The following DMTN variants were observed in gnomAD, a reference collection of about 807,000 sequenced individuals.
The protein encoded by DMTN is dematin.
In DMTN, 27 loss-of-function variants were observed where a neutral mutation model predicts 59.4. The observed-to-expected ratio is 0.45, with a 90% CI of 0.33 to 0.63. DMTN has a LOEUF of 0.63. Ranked by LOEUF, DMTN falls within the 20% of genes least tolerant of loss-of-function variation. DMTN has a pLI of 0.02. For synonymous variants in DMTN, 221 were observed against 203.7 expected, an observed-to-expected ratio of 1.08 and a Z score of -0.72; for missense variants, 451 against 528.9, an observed-to-expected ratio of 0.85 and a Z score of 1.45.
chr8:22,075,516 A>ATATTTT (rs1819105356), intron 10 of DMTN, among the ~76,000 whole-genome samples: 1 of 87,728 alleles, frequency 1.1e-5, no homozygotes, highest in Admixed American at 1.6e-4. Flanking sequence ...GCCCAGCTAA[A>ATATTTT]TTTTTTTTTT....
rs766272009 is a variant in DMTN, at chr8:22,070,297, C to G, written c.567C>G (p.Thr189=). The change falls in exon 8 of 16, where the codon ACC becomes ACG. Residue 189 remains threonine, a synonymous_variant. Coordinates refer to ENST00000358242, the MANE Select transcript of DMTN (RefSeq NM_001387751.1). ...PDPNQPAKIE[T]DYWPCPPSLA... ...CCAACCAGCCAGCCAAAATCGAAAC[C>G]GACTACTGGCCATGCCCCCCGTCTC... 2.5e-6 allele frequency: 4 copies of G among 1,613,360 alleles called. No homozygotes were observed. Among genetic ancestry groups the G allele is most frequent in the South Asian group, 2.2e-5 (2 of 90,950 alleles).
At position 22,069,959 on chromosome 8, in the gene DMTN, C is replaced by T. The variant is rs112280872; in HGVS notation, c.451+22C>T. ...AGAGGTGAGGGCGCCCCTGGCTCAC[C>T]AGAGCCTGCTTCCGGCTGCATGCTG... On this transcript the variant is annotated intron_variant, in intron 7 of 15. Coordinates refer to ENST00000358242, the MANE Select transcript of DMTN (RefSeq NM_001387751.1). 2.0e-5 allele frequency: 33 copies of T among 1,613,298 alleles called. 1 individual carries two copies. The highest frequency in any genetic ancestry group is 1.3e-4 in the African/African-American group (10 of 75,038).
At chr8:22,080,662 GA>G (rs1484854966) in intron 13 of DMTN, 37 bp downstream of exon 13, 1 of 1,595,132 alleles carries the variant, frequency 6.3e-7, no homozygotes, top group Non-Finnish European at 8.5e-7. Context: ...CAGAGCAGCA[GA>G]AGCTGGGTCC....
chr8:22,076,408 C>T (rs914299894), intron 10 of DMTN, among the ~76,000 whole-genome samples: 2 of 151,986 alleles, frequency 1.3e-5, no homozygotes, highest in Non-Finnish European at 2.9e-5. Flanking sequence ...AGTTCAAGAT[C>T]AGTCTGGGCA....
chr8:22,074,934 G>A (rs1175970425), intron 10 of DMTN, among the ~76,000 whole-genome samples: 2 of 152,022 alleles, frequency 1.3e-5, no homozygotes, highest in African/African-American at 4.8e-5. Context: ...CACACCTGTT[G>A]TCCTAGCACT....
intron 9 of DMTN, 33 bp from the exon 10 acceptor site, chr8:22,073,697 G>C (rs1366490133): frequency 7.8e-7 from 1 of 1,289,858 alleles, no homozygotes. Context: ...AAGTGTCTAA[G>C]TCTTGGCTCC....
Position 22,058,963 on chromosome 8 carries a change from C to T in DMTN, c.-172+1827C>T, listed in dbSNP as rs576619430. On this transcript the variant is annotated intron_variant, in intron 1 of 15. Transcript: ENST00000358242. The surrounding 1 kb of genome is among the most constrained non-coding windows in gnomAD (Gnocchi z 4.3). The stretch of plus-strand genomic sequence containing the variant: ...AAGGTGCCCTACCCCACCCACATCA[C>T]ACGCATGCACAGCACCCATGGGAGC... Among the ~76,000 whole-genome samples the T allele has an allele frequency of 6.6e-6, 1 of 152,308 alleles. No homozygotes were observed. Among genetic ancestry groups the T allele is most frequent in the Admixed American group, 6.5e-5 (1 of 15,312 alleles).
chr8:22,067,713 G>A, intron 4 of DMTN, 31 bp downstream of exon 4: 1 of 1,608,046 alleles, frequency 6.2e-7, no homozygotes. Flanking sequence ...CAGGACTCCG[G>A]GGGAGGCCCC....
At chr8:22,071,870 G>A (rs1231978267) in intron 8 of DMTN, among the ~76,000 whole-genome samples, 5 of 151,944 alleles carry the variant, frequency 3.3e-5, no homozygotes, top group Non-Finnish European at 5.9e-5. Context: ...GTGAGTCCCC[G>A]CGCCCGGCCT....
rs142456095 is a variant in DMTN at position 22,058,162 on chromosome 8, G to A, written c.-172+1026G>A. 4.6e-5 allele frequency among the ~76,000 whole-genome samples: 7 copies of A among 151,870 alleles called. No individual in the cohort carries two copies. The highest frequency in any genetic ancestry group is 3.9e-4 in the East Asian group (2 of 5,160). ...TCCCCGCGTGCATGCGTCCTGCAAC[G>A]GTTTCAGCGCGGGCGCTTCTGCCTG... On this transcript the variant is annotated intron_variant, in intron 1 of 15. Transcript: ENST00000358242. This position sits in a 1 kb window ranked among gnomAD's most constrained non-coding sequence, Gnocchi z 4.3.
chr8:22,073,613 A>C, intron 9 of DMTN, 117 bp from the exon 10 acceptor site: 1 of 769,622 alleles, frequency 1.3e-6, no homozygotes, highest in Non-Finnish European at 2.0e-6. Context: ...CCTGGGTGAC[A>C]GAGTGAGACC....
At chr8:22,070,020 G>A in intron 7 of DMTN, 83 bp downstream of exon 7, 1 of 1,584,016 alleles carries the variant, frequency 6.3e-7, no homozygotes, top group Non-Finnish European at 8.7e-7. Flanking sequence ...CTGGCTGGAG[G>A]GGGTCGGGAG....
intron 7 of DMTN, 64 bp downstream of exon 7, chr8:22,070,001 G>A (rs1585958111): frequency 6.2e-7 from 1 of 1,602,916 alleles, no homozygotes; most frequent in African/African-American, 1.3e-5. Flanking sequence ...CGTGCCCTGG[G>A]GCTGCGGGCT....
chr8:22,070,037 A>G (rs1814067725), intron 7 of DMTN, 100 bp downstream of exon 7: 1 of 1,566,080 alleles, frequency 6.4e-7, no homozygotes, highest in Non-Finnish European at 8.8e-7. Flanking sequence ...GGAGGATAGC[A>G]TGTCACAGCA....
chr8:22,081,496 C>A lies in DMTN; in HGVS notation c.*33C>A, dbSNP rs201883763. On this transcript the variant is annotated 3_prime_UTR_variant, in exon 16 of 16. Transcript: ENST00000358242. ...CACCTGCTCCGGGACGGCCCCCTTA[C>A]CCCTGCTGCTTCAGGGTTTTTCCCC... 1 of 1,586,770 alleles carries A rather than the reference C, an allele frequency of 6.3e-7. No individual in the cohort carries two copies. The highest frequency in any genetic ancestry group is 8.7e-7 in the Non-Finnish European group (1 of 1,155,510).
At chr8:22,080,292 T>C in intron 11 of DMTN, 48 bp downstream of exon 11, 1 of 1,613,682 alleles carries the variant, frequency 6.2e-7, no homozygotes, top group South Asian at 1.1e-5. Flanking sequence ...GGAACGTGCA[T>C]GTGGGGTGCT....
chr8:22,078,600 G>A (rs1223021459), intron 10 of DMTN, among the ~76,000 whole-genome samples: 5 of 151,508 alleles, frequency 3.3e-5, no homozygotes. Flanking sequence ...TAGGTACAAA[G>A]TTATTTCCAG....
chr8:22,050,570 C>G (rs1801246343), upstream of DMTN, among the ~76,000 whole-genome samples: 2 of 152,002 alleles, frequency 1.3e-5, no homozygotes, highest in Non-Finnish European at 2.9e-5. Context: ...ACCGACAGGC[C>G]TCTGGGGGCT....
At chr8:22,064,277 T>C (rs1585798359) in intron 1 of DMTN, among the ~76,000 whole-genome samples, 1 of 152,264 alleles carries the variant, frequency 6.6e-6, no homozygotes, top group Non-Finnish European at 1.5e-5. Context: ...GTATTAGCTA[T>C]AAACAAAGTA....
Sources: allele counts gnomAD v4.1 joint callset (sites outside exome capture counted in the v4.1 genomes callset), GRCh38; gene constraint gnomAD v4.1.1; non-coding constraint Gnocchi (gnomAD v3.1); transcripts MANE v1.5; gene names NCBI Gene and HGNC (gene_info 2026-07-23, HGNC 2026-07-21).